The following NRAP variants were observed in gnomAD, a reference collection of about 807,000 sequenced individuals.
NRAP encodes the protein nebulin-related-anchoring protein.
Under a neutral mutation model 225.9 loss-of-function variants are expected in NRAP, and 189 were observed. The observed-to-expected ratio is 0.84, with a 90% CI of 0.74 to 0.94. The LOEUF is 0.94. Among genes scored for constraint, NRAP ranks in the 40% least tolerant of loss-of-function variants. NRAP has a pLI of 0.00. For missense variants in NRAP, 2,176 were observed against 2,168.7 expected, an observed-to-expected ratio of 1.00 and a Z score of -0.07; for synonymous variants, 769 against 790.7, an observed-to-expected ratio of 0.97 and a Z score of 0.46.
intron 39 of NRAP, 24 bp from the exon 40 acceptor site, chr10:113,590,913 A>G (rs2133815746): frequency 6.2e-7 from 1 of 1,606,312 alleles, no homozygotes; most frequent in Non-Finnish European, 8.5e-7. Flanking sequence ...GAGCAGAGGC[A>G]GATCATGGGT....
chr10:113,601,274 G>C (rs1400931549), intron 35 of NRAP, among the ~76,000 whole-genome samples: 1 of 152,242 alleles, frequency 6.6e-6, no homozygotes, highest in Non-Finnish European at 1.5e-5. Context: ...CCTACCCAGA[G>C]CTTTCTCTCT....
chr10:113,590,679 C>A lies in NRAP; in HGVS notation c.4855G>T (p.Ala1619Ser), dbSNP rs760209386. 1 of 1,614,182 alleles carries A rather than the reference C, an allele frequency of 6.2e-7. No individual in the cohort carries two copies. The highest frequency in any genetic ancestry group is 8.5e-7 in the Non-Finnish European group (1 of 1,180,026). Reference sequence around the variant, plus strand: ...GGCTGCCTGTAGTGCACATCACTGGCCAGCTGCTGGCTCCTCTTGGCCTGA... The same window carrying A: ...GGCTGCCTGTAGTGCACATCACTGGACAGCTGCTGGCTCCTCTTGGCCTGA... ...LLQAKRSQQL[A>S]SDVHYRQPLP... The change falls in exon 40 of 42, where the codon GCC becomes TCC. Residue 1619 changes from alanine to serine, a missense_variant. By Grantham distance (99) the Ala-to-Ser change is moderately conservative. This residue lies in a region of NRAP where 445 missense variants were observed against 426.1 expected (regional missense o/e 1.04). Coordinates refer to ENST00000359988, the MANE Select transcript of NRAP (RefSeq NM_198060.4).
chr10:113,648,986 C>G (rs1157662803), intron 9 of NRAP, among the ~76,000 whole-genome samples: 5 of 152,096 alleles, frequency 3.3e-5, no homozygotes, highest in Non-Finnish European at 5.9e-5. Flanking sequence ...TTTTTTTAAG[C>G]TGATTTTTAA....
chr10:113,611,991 G>T (rs1165026975), intron 30 of NRAP, among the ~76,000 whole-genome samples: 1 of 152,208 alleles, frequency 6.6e-6, no homozygotes, highest in Non-Finnish European at 1.5e-5. Context: ...TGGGCTGATT[G>T]TGAGATAATG....
rs1444933582 is a variant in NRAP, at chr10:113,604,626, G to A, written c.4210C>T (p.His1404Tyr). The change falls in exon 35 of 42, where the codon CAT becomes TAT. Residue 1404 changes from histidine (H) to tyrosine (Y), a missense_variant. His to Tyr is a moderately conservative substitution (Grantham distance 83). This residue lies in a region of NRAP where 445 missense variants were observed against 426.1 expected (regional missense o/e 1.04). Coordinates refer to ENST00000359988, the MANE Select transcript of NRAP (RefSeq NM_198060.4). The stretch of plus-strand genomic sequence containing the variant: ...ACCCCTACCTCACTCTGCAGGGCAT[G>A]GGCTTTCTTGGCCCAGGCCATCTTC... ...DLKMAWAKKA[H>Y]ALQSELRYKS... 6.2e-7 allele frequency: 1 copy of A among 1,613,740 alleles called. No homozygotes were observed. Among genetic ancestry groups the A allele is most frequent in the Admixed American group, 1.7e-5 (1 of 60,030 alleles).
intron 8 of NRAP, 90 bp from the exon 9 acceptor site, chr10:113,650,231 T>A: frequency 1.1e-6 from 1 of 897,022 alleles, no homozygotes; most frequent in Non-Finnish European, 1.8e-6. Context: ...TGGAATGTTC[T>A]TTTTCTGCTT....
At chr10:113,602,541 C>G (rs1564702612) in intron 35 of NRAP, among the ~76,000 whole-genome samples, 1 of 152,204 alleles carries the variant, frequency 6.6e-6, no homozygotes, top group Non-Finnish European at 1.5e-5. Context: ...GCACCCTACT[C>G]TACACTCTGC....
intron 25 of NRAP, among the ~76,000 whole-genome samples, chr10:113,618,563 A>T (rs1847802043): frequency 6.6e-6 from 1 of 152,274 alleles, no homozygotes; most frequent in African/African-American, 2.4e-5. Context: ...TCCTTCACAG[A>T]AAAGGCTTTC....
chr10:113,604,089 G>A (rs1187936029), intron 35 of NRAP, among the ~76,000 whole-genome samples: 6 of 152,116 alleles, frequency 3.9e-5, no homozygotes, highest in Non-Finnish European at 8.8e-5. Flanking sequence ...GGCTTAGAAT[G>A]GTGGCTAGTA....
chr10:113,598,887 G>A (rs2133860890), intron 35 of NRAP, among the ~76,000 whole-genome samples: 1 of 152,292 alleles, frequency 6.6e-6, no homozygotes, highest in East Asian at 1.9e-4. Flanking sequence ...AGTCCTGGGA[G>A]AAAATAATAA....
At chr10:113,645,787 G>T in intron 11 of NRAP, 38 bp downstream of exon 11, 1 of 1,032,334 alleles carries the variant, frequency 9.7e-7, no homozygotes, top group African/African-American at 1.5e-5. Flanking sequence ...AGATAAAAGA[G>T]GTGATGCTCA....
intron 21 of NRAP, among the ~76,000 whole-genome samples, chr10:113,625,774 A>G (rs896398968): frequency 1.3e-5 from 2 of 152,332 alleles, no homozygotes; most frequent in African/African-American, 4.8e-5. Context: ...AGAAGAAAAA[A>G]GGAACTAGAG....
intron 4 of NRAP, among the ~76,000 whole-genome samples, chr10:113,656,558 A>G (rs1330510735): frequency 6.6e-6 from 1 of 152,240 alleles, no homozygotes; most frequent in African/African-American, 2.4e-5. Context: ...ATATACATAT[A>G]TAATTTTCAA....
rs1418446379 is a variant in NRAP, at chr10:113,662,727, G to A, written c.207C>T (p.His69=). The change falls in exon 3 of 42, where the codon CAC becomes CAT. Residue 69 remains histidine (H), a synonymous_variant. Transcript: ENST00000359988. The stretch of plus-strand genomic sequence containing the variant: ...TCCTCACATTTAGATTTAATGGAGT[G>A]TGATAGACACTGGTGAAAGTGTTGT... The part of the protein sequence containing the change: ...PKNNTFTSVY[H]TPLNLNVRTF... 1.2e-6 allele frequency: 2 copies of A among 1,601,630 alleles called. No homozygotes were observed. The highest frequency in any genetic ancestry group is 2.7e-5 in the African/African-American group (2 of 74,678).
intron 17 of NRAP, 33 bp downstream of exon 17, chr10:113,631,824 T>A (rs772128475): frequency 7.5e-7 from 1 of 1,332,420 alleles, no homozygotes; most frequent in Non-Finnish European, 1.1e-6. Context: ...AACCATTTCT[T>A]ATGCATTCCT....
chr10:113,640,189 A>G, intron 14 of NRAP, 38 bp downstream of exon 14: 1 of 1,207,050 alleles, frequency 8.3e-7, no homozygotes, highest in South Asian at 1.3e-5. Flanking sequence ...GGAAGCGACA[A>G]GTGACAAAGC....
At chr10:113,662,825 A>G in intron 2 of NRAP, 59 bp from the exon 3 acceptor site, 1 of 743,068 alleles carries the variant, frequency 1.3e-6, no homozygotes, top group Non-Finnish European at 2.2e-6. Context: ...TGATTGAGGG[A>G]CTATTCTTAA....
chr10:113,641,122 C>T (rs541109443), intron 13 of NRAP, among the ~76,000 whole-genome samples: 1 of 152,308 alleles, frequency 6.6e-6, no homozygotes, highest in East Asian at 1.9e-4. Flanking sequence ...TTATAATAGA[C>T]TGAAGTACTC....
At chr10:113,601,478 G>A (rs1017182859) in intron 35 of NRAP, among the ~76,000 whole-genome samples, 4 of 152,316 alleles carry the variant, frequency 2.6e-5, no homozygotes, top group East Asian at 3.9e-4. Flanking sequence ...CAGCTTCTTC[G>A]AATCCAGACT....
Sources: allele counts gnomAD v4.1 joint callset (sites outside exome capture counted in the v4.1 genomes callset), GRCh38; gene constraint gnomAD v4.1.1; regional missense constraint gnomAD v4.1.1; transcripts MANE v1.5; gene names NCBI Gene and HGNC (gene_info 2026-07-23, HGNC 2026-07-21).